SCAMP1: variants seen among roughly 807,000 people sequenced by gnomAD.
SCAMP1 encodes the protein secretory carrier membrane protein 1.
In SCAMP1, 15 loss-of-function variants were observed where a neutral mutation model predicts 41.8. That is an observed-to-expected ratio of 0.36 (90% confidence interval 0.24 to 0.55). SCAMP1 has a LOEUF of 0.55. Ranked by LOEUF, SCAMP1 falls within the 20% of genes least tolerant of loss-of-function variation. The pLI is 0.86. For synonymous variants in SCAMP1, 135 were observed against 136.8 expected (o/e 0.99, Z 0.09); for missense variants, 341 against 412.6 (o/e 0.83, Z 1.50).
At chr5:78,438,861 AG>A (rs1304246672) in intron 6 of SCAMP1, among the ~76,000 whole-genome samples, 17 of 152,266 alleles carry the variant, frequency 1.1e-4, no homozygotes, top group Non-Finnish European at 2.4e-4. Context: ...GTCTCTTTGT[AG>A]GTCTCTAAGG....
intron 1 of SCAMP1, among the ~76,000 whole-genome samples, chr5:78,374,913 T>C (rs913365858): frequency 4.4e-4 from 67 of 152,160 alleles, no homozygotes; most frequent in Admixed American, 3.9e-3. Context: ...ATCACAGTTA[T>C]AAAAGTTTCG....
intron 6 of SCAMP1, among the ~76,000 whole-genome samples, chr5:78,444,853 G>A (rs965018655): frequency 5.9e-5 from 9 of 152,176 alleles, no homozygotes; most frequent in Non-Finnish European, 1.2e-4. Context: ...TTTACCTGCA[G>A]TATTTTATTT....
At chr5:78,431,358 A>C (rs1202420786) in intron 6 of SCAMP1, among the ~76,000 whole-genome samples, 1 of 151,608 alleles carries the variant, frequency 6.6e-6, no homozygotes, top group South Asian at 2.1e-4. Context: ...CAAAAAAGCT[A>C]CTTTATATAT....
At chr5:78,389,039 T>G (rs1199231811) in intron 2 of SCAMP1, 125 bp downstream of exon 2, 3 of 505,440 alleles carry the variant, frequency 5.9e-6, no homozygotes, top group Non-Finnish European at 7.0e-6. Context: ...TTTTATTTAG[T>G]ATTCAGCAAA....
At chr5:78,411,024 ACT>A (rs1752062391) in intron 2 of SCAMP1, among the ~76,000 whole-genome samples, 1 of 151,688 alleles carries the variant, frequency 6.6e-6, no homozygotes, top group African/African-American at 2.4e-5. Context: ...TTCCTTATAG[ACT>A]CTGGTTATTA....
rs1754108003 is a variant in SCAMP1 at position 78,480,148 on chromosome 5, T to G, written c.*4480T>G. Among the ~76,000 whole-genome samples the G allele has an allele frequency of 6.6e-6, 1 of 152,176 alleles. No homozygotes were observed. Among genetic ancestry groups the G allele is most frequent in the Non-Finnish European group, 1.5e-5 (1 of 68,026 alleles). ...AATGTAGTGAGTGTTAAACTTTGTGTTTGTCCAAATCCTGATTTATTTTTC... is the reference window on the plus strand; with the variant it reads ...AATGTAGTGAGTGTTAAACTTTGTGGTTGTCCAAATCCTGATTTATTTTTC... On this transcript the variant is annotated 3_prime_UTR_variant, in exon 9 of 9. Transcript: ENST00000621999.
intron 6 of SCAMP1, among the ~76,000 whole-genome samples, chr5:78,426,125 C>A (rs1206948474): frequency 6.6e-6 from 1 of 152,172 alleles, no homozygotes; most frequent in South Asian, 2.1e-4. Context: ...GACATGAACT[C>A]ATTTCTTTTT....
intron 2 of SCAMP1, among the ~76,000 whole-genome samples, chr5:78,393,140 A>C (rs1366193238): frequency 6.6e-6 from 1 of 152,178 alleles, no homozygotes; most frequent in Non-Finnish European, 1.5e-5. Context: ...TAAGTTATTT[A>C]AGGAAGGCTA....
At chr5:78,364,487 C>T (rs1750744075) in intron 1 of SCAMP1, among the ~76,000 whole-genome samples, 1 of 152,034 alleles carries the variant, frequency 6.6e-6, no homozygotes, top group Non-Finnish European at 1.5e-5. Context: ...GATTAAAAAA[C>T]AAAGCCCACA....
intron 6 of SCAMP1, among the ~76,000 whole-genome samples, chr5:78,435,687 C>T (rs1465063396): frequency 6.6e-6 from 1 of 152,092 alleles, no homozygotes; most frequent in Admixed American, 6.6e-5. Context: ...AGTAAACATA[C>T]GTGTGCTTGT....
chr5:78,474,823 A>G lies in SCAMP1; in HGVS notation c.853-681A>G, dbSNP rs141710318. ...GTATTGATGGACTCATAGTTTAATTATGCAGGTTTTAAGACATATACTGAT... is the reference window on the plus strand; with the variant it reads ...GTATTGATGGACTCATAGTTTAATTGTGCAGGTTTTAAGACATATACTGAT... On this transcript the variant is annotated intron_variant, in intron 8 of 8. Coordinates refer to ENST00000621999, the MANE Select transcript of SCAMP1 (RefSeq NM_004866.6). Among the ~76,000 whole-genome samples the G allele has an allele frequency of 2.1e-4, 32 of 152,352 alleles. 1 individual carries two copies. The highest frequency in any genetic ancestry group is 3.4e-3 in the Middle Eastern group (1 of 294).
intron 6 of SCAMP1, among the ~76,000 whole-genome samples, chr5:78,437,118 G>A (rs1283277318): frequency 1.3e-5 from 2 of 152,142 alleles, no homozygotes; most frequent in Non-Finnish European, 2.9e-5. Flanking sequence ...AGGAGATTTT[G>A]GGCTGAGATG....
intron 6 of SCAMP1, among the ~76,000 whole-genome samples, chr5:78,438,818 A>G (rs1467891869): frequency 6.6e-6 from 1 of 152,122 alleles, no homozygotes; most frequent in East Asian, 1.9e-4. Flanking sequence ...GTGGGGTGTT[A>G]AAGTCTCCCA....
rs189138241 is a variant in SCAMP1 at position 78,479,073 on chromosome 5, G to C, written c.*3405G>C. On this transcript the variant is annotated 3_prime_UTR_variant, in exon 9 of 9. Coordinates refer to ENST00000621999, the MANE Select transcript of SCAMP1 (RefSeq NM_004866.6). ...TAACATCTAATTCAGTATCCTTATT[G>C]GTACAAATCTGTGTTTGGCATGACT... is the stretch of plus-strand genomic sequence containing the variant. The C allele has an allele frequency of 1.3e-5, 2 of 151,894 alleles. No homozygotes were observed. The highest frequency in any genetic ancestry group is 2.9e-5 in the Non-Finnish European group (2 of 67,908). The allele number at this position is 151,894 out of a possible 1,614,324, so 9.4% of individuals were successfully genotyped here. A position where few individuals can be genotyped will look rare whatever the true frequency, so the allele number is the denominator to read the frequency against.
chr5:78,402,198 T>G (rs2112111557), intron 2 of SCAMP1, among the ~76,000 whole-genome samples: 1 of 137,682 alleles, frequency 7.3e-6, no homozygotes, highest in South Asian at 2.1e-4. Flanking sequence ...CTATATTTGT[T>G]TTTTTTTTTT....
chr5:78,400,046 C>G (rs1751759652), intron 2 of SCAMP1, among the ~76,000 whole-genome samples: 1 of 152,166 alleles, frequency 6.6e-6, no homozygotes, highest in African/African-American at 2.4e-5. Context: ...CTTGGCCTCC[C>G]TAGTAGCTGG....
Position 78,421,872 on chromosome 5 carries a change from G to A in SCAMP1, c.544G>A (p.Val182Ile). 1 of 1,613,760 alleles carries A rather than the reference G, an allele frequency of 6.2e-7. No homozygotes were observed. Among genetic ancestry groups the A allele is most frequent in the Non-Finnish European group, 8.5e-7 (1 of 1,179,760 alleles). Residue 182 changes from valine to isoleucine, a missense_variant, in exon 6 of 9, where the codon GTT (valine) becomes ATT (isoleucine). Val to Ile is a conservative substitution (Grantham distance 29, BLOSUM62 3). Coordinates refer to ENST00000621999, the MANE Select transcript of SCAMP1 (RefSeq NM_004866.6). ...GTTTTGTGTTGATTCTGCAAGAGCG[G>A]TTGATTTTGGATTGAGTATCCTGTG... ...AWFCVDSARA[V>I]DFGLSILWFL...
In SCAMP1 at chr5:78,360,705, C is replaced by A; in HGVS notation, c.34C>A (p.Pro12Thr). 2 of 1,610,682 alleles carry A rather than the reference C, an allele frequency of 1.2e-6. No homozygotes were observed. Residue 12 changes from proline to threonine, a missense_variant, in exon 1 of 9, where the codon CCG becomes ACG. Coordinates refer to ENST00000621999, the MANE Select transcript of SCAMP1 (RefSeq NM_004866.6). The stretch of plus-strand genomic sequence containing the variant: ...TTTCGACAGTAACCCGTTTGCCGAC[C>A]CGGATCTCAACAATCCCTTCAAGGT... ...SDFDSNPFAD[P>T]DLNNPFKDPS...
chr5:78,367,166 A>G (rs994233602), intron 1 of SCAMP1, among the ~76,000 whole-genome samples: 1 of 152,214 alleles, frequency 6.6e-6, no homozygotes, highest in Non-Finnish European at 1.5e-5. Flanking sequence ...TAAAAAGCAC[A>G]TATTGAGCTG....
Sources: allele counts gnomAD v4.1 joint callset (sites outside exome capture counted in the v4.1 genomes callset), GRCh38; gene constraint gnomAD v4.1.1; transcripts MANE v1.5; gene names NCBI Gene and HGNC (gene_info 2026-07-23, HGNC 2026-07-21).